Variants in PDS5B observed in about 807,000 individuals in gnomAD.
PDS5B encodes PDS5 cohesin associated factor B.
Under a neutral mutation model 184.1 loss-of-function variants are expected in PDS5B, and 51 were observed. That is an observed-to-expected ratio of 0.28 (90% CI 0.22 to 0.35). The LOEUF (loss-of-function observed/expected upper bound fraction) is 0.35. Among genes scored for constraint, PDS5B ranks in the 10% least tolerant of loss-of-function variants. PDS5B has a pLI of 1.00. For synonymous variants in PDS5B, 566 were observed against 569.2 expected, an observed-to-expected ratio of 0.99 and a Z score of 0.08; for missense variants, 1,180 against 1,723.3, an observed-to-expected ratio of 0.68 and a Z score of 5.58.
intron 15 of PDS5B, among the ~76,000 whole-genome samples, chr13:32,698,959 T>G (rs1442768141): frequency 1.3e-5 from 2 of 152,160 alleles, no homozygotes; most frequent in Admixed American, 1.3e-4. Context: ...TTCACCATCT[T>G]GGCCAGGGTG....
chr13:32,612,871 A>G (rs1440477201), intron 1 of PDS5B, among the ~76,000 whole-genome samples: 1 of 152,184 alleles, frequency 6.6e-6, no homozygotes, highest in Non-Finnish European at 1.5e-5. Context: ...ATTTTCATTC[A>G]TTATGAATTA....
At chr13:32,639,298 C>T (rs1363864536) in intron 1 of PDS5B, among the ~76,000 whole-genome samples, 1 of 152,058 alleles carries the variant, frequency 6.6e-6, no homozygotes, top group African/African-American at 2.4e-5. Context: ...GGCAAGTGAC[C>T]ATGTTTGCCC....
At chr13:32,588,062 A>C (rs1057175920) in intron 1 of PDS5B, among the ~76,000 whole-genome samples, 26 of 152,224 alleles carry the variant, frequency 1.7e-4, no homozygotes, top group Non-Finnish European at 3.8e-4. Context: ...ATATTAACTC[A>C]TGTAGTGGTC....
intron 1 of PDS5B, among the ~76,000 whole-genome samples, chr13:32,646,051 C>T (rs1461139336): frequency 6.6e-6 from 1 of 151,970 alleles, no homozygotes; most frequent in Non-Finnish European, 1.5e-5. Context: ...GTCATTCAGG[C>T]TTGAGTGCAG....
chr13:32,619,708 C>T (rs908039600), intron 1 of PDS5B, among the ~76,000 whole-genome samples: 9 of 152,138 alleles, frequency 5.9e-5, no homozygotes, highest in Non-Finnish European at 7.4e-5. Flanking sequence ...TATGAGACCA[C>T]CGTTATATAT....
chr13:32,741,198 A>G, intron 22 of PDS5B, 50 bp downstream of exon 22: 1 of 963,192 alleles, frequency 1.0e-6, no homozygotes, highest in Non-Finnish European at 1.6e-6. Context: ...ACCACATTGT[A>G]ATATTTGAGG....
intron 12 of PDS5B, among the ~76,000 whole-genome samples, chr13:32,687,691 A>C (rs1593429534): frequency 6.6e-6 from 1 of 152,338 alleles, no homozygotes; most frequent in South Asian, 2.1e-4. Context: ...TTATAAATTT[A>C]TATAAAAAAC....
intron 27 of PDS5B, 138 bp downstream of exon 27, chr13:32,758,357 GTAAT>G: frequency 1.1e-6 from 1 of 947,070 alleles, no homozygotes. Flanking sequence ...AGAATTAGCA[GTAAT>G]TTTATTACAA....
intron 6 of PDS5B, among the ~76,000 whole-genome samples, chr13:32,664,802 G>A (rs1199036308): frequency 6.6e-6 from 1 of 151,864 alleles, no homozygotes; most frequent in Non-Finnish European, 1.5e-5. Flanking sequence ...AGTGAGCTGT[G>A]ATCACACCAC....
chr13:32,589,335 C>T (rs2057738033), intron 1 of PDS5B, among the ~76,000 whole-genome samples: 3 of 152,166 alleles, frequency 2.0e-5, no homozygotes, highest in Non-Finnish European at 2.9e-5. Flanking sequence ...CAGGGTAGTA[C>T]ATTACCCTCC....
chr13:32,706,946 A>G lies in PDS5B; in HGVS notation c.1869A>G (p.Lys623=). The change falls in exon 18 of 35, where the codon AAA becomes AAG. Residue 623 remains lysine, a synonymous_variant. Transcript: ENST00000315596. ...IDTESISALI[K]QVNKSIDGTA... ...GGTCATATTTTAGTGCTCTTATTAA[A>G]CAAGTGAACAAATCAATAGATGGAA... is the stretch of plus-strand genomic sequence containing the variant. The G allele has an allele frequency of 6.2e-7, 1 of 1,604,434 alleles. No individual in the cohort carries two copies. Among genetic ancestry groups the G allele is most frequent in the Non-Finnish European group, 8.5e-7 (1 of 1,175,866 alleles).
intron 6 of PDS5B, among the ~76,000 whole-genome samples, chr13:32,660,265 C>T (rs537215039): frequency 5.3e-5 from 8 of 152,300 alleles, no homozygotes; most frequent in Admixed American, 3.3e-4. Context: ...CTCTTCCCAT[C>T]GTCTCCTTCA....
At chr13:32,676,093 A>T in intron 9 of PDS5B, 134 bp downstream of exon 9, 1 of 571,652 alleles carries the variant, frequency 1.7e-6, no homozygotes, top group South Asian at 2.6e-5. Flanking sequence ...GAAAGTTTTG[A>T]AAGTTGTTAA....
intron 19 of PDS5B, among the ~76,000 whole-genome samples, chr13:32,714,526 C>T (rs1027527984): frequency 1.3e-5 from 2 of 152,194 alleles, no homozygotes; most frequent in African/African-American, 4.8e-5. Context: ...TTTAGCTCTG[C>T]AGCCTCAACC....
intron 19 of PDS5B, among the ~76,000 whole-genome samples, chr13:32,728,980 GA>G (rs1275091721): frequency 6.6e-6 from 1 of 152,030 alleles, no homozygotes; most frequent in Non-Finnish European, 1.5e-5. Context: ...GCAGAACGTG[GA>G]GGTTTGTTAC....
rs1488618488 is a variant in PDS5B, at chr13:32,732,195, A to G, written c.2218A>G (p.Lys740Glu). 3 of 1,609,678 alleles carry G rather than the reference A, an allele frequency of 1.9e-6. No homozygotes were observed. Among genetic ancestry groups the G allele is most frequent in the Non-Finnish European group, 2.5e-6 (3 of 1,177,018 alleles). Reference protein sequence around the residue: ...IHCIHAIFSSKETQFAQIFEP... With the variant: ...IHCIHAIFSSEETQFAQIFEP... ...TTGTATCCATGCGATATTTTCTAGTAAAGAGACCCAGTTTGCACAGATATT... is the reference window on the plus strand; with the variant it reads ...TTGTATCCATGCGATATTTTCTAGTGAAGAGACCCAGTTTGCACAGATATT... Residue 740 changes from lysine to glutamate, a missense_variant, in exon 20 of 35, where the codon AAA (lysine) becomes GAA (glutamate). Physicochemically the swap from Lys to Glu is moderately conservative, Grantham distance 56 (BLOSUM62 1). Coordinates refer to ENST00000315596, the MANE Select transcript of PDS5B (RefSeq NM_015032.4).
At chr13:32,752,139 CT>C (rs58737245) in intron 24 of PDS5B, among the ~76,000 whole-genome samples, 5,785 of 152,172 alleles carry the variant, frequency 0.038, 340 homozygotes, top group African/African-American at 0.13. Context: ...GTAGTCTCCC[CT>C]ATCTTTGGTT....
At chr13:32,640,212 A>G (rs1164126405) in intron 1 of PDS5B, among the ~76,000 whole-genome samples, 2 of 151,994 alleles carry the variant, frequency 1.3e-5, no homozygotes, top group Non-Finnish European at 2.9e-5. Context: ...ATTTTATTTG[A>G]ACTTTAAAAA....
intron 24 of PDS5B, among the ~76,000 whole-genome samples, chr13:32,747,367 T>TACACATAGTGTAC (rs774943844): frequency 7.1e-4 from 108 of 152,298 alleles, no homozygotes; most frequent in Non-Finnish European, 6.0e-4. Flanking sequence ...GCCACTTATG[T>TACACATAGTGTAC]ATAACTCTCT....
Sources: gnomAD v4.1 joint callset for allele counts (sites outside exome capture counted in the v4.1 genomes callset) on GRCh38, gnomAD v4.1.1 for gene constraint, MANE v1.5 for transcripts, NCBI Gene and HGNC (gene_info 2026-07-23, HGNC 2026-07-21) for gene names.